DCAF8: variants seen among roughly 807,000 people sequenced by gnomAD.
The protein encoded by DCAF8 is DDB1 and CUL4 associated factor 8.
A neutral mutation model predicts 68.0 loss-of-function variants in DCAF8; 20 were observed. That is an observed-to-expected ratio of 0.29 (90% CI 0.21 to 0.43). The LOEUF is 0.43. Ranked by LOEUF, DCAF8 falls within the 20% of genes least tolerant of loss-of-function variation. The pLI is 1.00. For missense variants in DCAF8, 460 were observed against 771.0 expected (o/e 0.60, Z 4.78); for synonymous variants, 230 against 276.9 (o/e 0.83, Z 1.68).
intron 2 of DCAF8, among the ~76,000 whole-genome samples, chr1:160,254,670 T>C (rs557390334): frequency 6.6e-6 from 1 of 152,208 alleles, no homozygotes; most frequent in South Asian, 2.1e-4. Context: ...CATGCGCCTG[T>C]AGTCTTAGCT....
rs142311348 is a variant in DCAF8, at chr1:160,232,227, A to G, written c.960-820T>C. 1.8e-3 allele frequency among the ~76,000 whole-genome samples: 275 copies of G among 152,084 alleles called. 4 individuals are homozygous for G. The East Asian group carries it at 0.027, about 15-fold the overall frequency. On this transcript the variant is annotated intron_variant, in intron 6 of 13. Coordinates refer to ENST00000368074, the MANE Select transcript of DCAF8 (RefSeq NM_015726.4). ...TGTCTCAAAAAAAAAAAAGTCACTT[A>G]AAACCCAACTTAAGCCAGGCACTGG... is the stretch of plus-strand genomic sequence containing the variant.
At chr1:160,229,965 G>C (rs147915192) in intron 7 of DCAF8, among the ~76,000 whole-genome samples, 3,790 of 152,238 alleles carry the variant, frequency 0.025, 48 homozygotes, top group Middle Eastern at 0.037. Flanking sequence ...GGAGGTTGCA[G>C]TGAGCCAAGA....
chr1:160,229,075 G>A (rs1159001724), intron 7 of DCAF8, among the ~76,000 whole-genome samples: 1 of 152,074 alleles, frequency 6.6e-6, no homozygotes, highest in Non-Finnish European at 1.5e-5. Context: ...CGAGGTGGGT[G>A]GATCACTTGA....
At chr1:160,232,016 C>T (rs541240992) in intron 6 of DCAF8, among the ~76,000 whole-genome samples, 144 of 152,016 alleles carry the variant, frequency 9.5e-4, no homozygotes, top group Admixed American at 1.9e-3. Flanking sequence ...CATGGCGAGA[C>T]CCCATCTCTA....
At chr1:160,224,814 G>A (rs1291599919) in intron 9 of DCAF8, among the ~76,000 whole-genome samples, 1 of 152,260 alleles carries the variant, frequency 6.6e-6, no homozygotes, top group Non-Finnish European at 1.5e-5. Context: ...GCTCAGGCAA[G>A]CAACCTGGGC....
At chr1:160,257,831 A>G (rs1238046029) in intron 2 of DCAF8, among the ~76,000 whole-genome samples, 3 of 152,200 alleles carry the variant, frequency 2.0e-5, no homozygotes, top group African/African-American at 7.2e-5. Context: ...CCTGGACTCA[A>G]ACAATCCTCC....
chr1:160,234,409 C>CAA (rs1331556033), intron 6 of DCAF8, among the ~76,000 whole-genome samples: 68 of 152,256 alleles, frequency 4.5e-4, no homozygotes, highest in Admixed American at 4.4e-3. Flanking sequence ...CTCCTTTACC[C>CAA]CTCTTTAGAG....
Position 160,224,512 on chromosome 1 carries a change from G to A in DCAF8, c.1239C>T (p.Leu413=). 3 of 1,614,172 alleles carry A rather than the reference G, an allele frequency of 1.9e-6. No individual in the cohort carries two copies. The highest frequency in any genetic ancestry group is 2.5e-6 in the Non-Finnish European group (3 of 1,180,004). Residue 413 remains leucine, a synonymous_variant, in exon 10 of 14, where the codon CTC becomes CTT. Transcript: ENST00000368074. ...LASYNDEDIY[L]FNSSHSDGAQ... ...CCCCATCACTGTGAGAGGAGTTGAA[G>A]AGGTAAATGTCTTCATCATTGTAAC...
At chr1:160,244,861 G>A (rs1335001165) in intron 2 of DCAF8, among the ~76,000 whole-genome samples, 4 of 151,958 alleles carry the variant, frequency 2.6e-5, no homozygotes, top group African/African-American at 7.3e-5. Context: ...CGCCCGCCTC[G>A]GCCTCCCAAA....
At chr1:160,218,473 G>T (rs199822097) in intron 12 of DCAF8, 33 bp from the exon 13 acceptor site, 2 of 1,519,930 alleles carry the variant, frequency 1.3e-6, no homozygotes, top group African/African-American at 1.4e-5. Flanking sequence ...AGAGGGGGCA[G>T]CAATGAAGAG....
rs76716742 is a variant in DCAF8, at chr1:160,234,656, T to C, written c.959+2479A>G. Reference sequence around the variant, plus strand: ...AACACAGCATATTAAATAAACTTACTATCATTTTTTCCTTTTTTGCTCTTC... The same window carrying C: ...AACACAGCATATTAAATAAACTTACCATCATTTTTTCCTTTTTTGCTCTTC... On this transcript the variant is annotated intron_variant, in intron 6 of 13. Coordinates refer to ENST00000368074, the MANE Select transcript of DCAF8 (RefSeq NM_015726.4). 1.8e-3 allele frequency among the ~76,000 whole-genome samples: 275 copies of C among 152,350 alleles called. 4 individuals are homozygous for C. In the East Asian group the frequency reaches 0.027, roughly 15 times the overall value.
At chr1:160,256,674 A>T (rs554277313) in intron 2 of DCAF8, among the ~76,000 whole-genome samples, 26 of 152,230 alleles carry the variant, frequency 1.7e-4, no homozygotes, top group Non-Finnish European at 5.9e-5. Flanking sequence ...AACAGCAAAT[A>T]TCTAATCTAA....
intron 2 of DCAF8, among the ~76,000 whole-genome samples, chr1:160,246,404 AG>A (rs1057108027): frequency 6.6e-6 from 1 of 152,062 alleles, no homozygotes; most frequent in African/African-American, 2.4e-5. Context: ...AGATGATAAA[AG>A]TAAGTAGAAT....
chr1:160,219,446 T>C (rs1381385902), intron 11 of DCAF8: 1 of 153,626 alleles, frequency 6.5e-6, no homozygotes, highest in Admixed American at 6.5e-5. Flanking sequence ...CTATATTCAT[T>C]TGGCAGTGTT....
intron 3 of DCAF8, among the ~76,000 whole-genome samples, chr1:160,242,385 G>T (rs1293972666): frequency 1.3e-5 from 2 of 152,166 alleles, no homozygotes; most frequent in East Asian, 3.8e-4. Flanking sequence ...CGAAAGTTTA[G>T]CAGTTACAGT....
rs959537328 is a variant in DCAF8 at position 160,218,194 on chromosome 1, G to C, written c.1677+130C>G. ...CCAAGGCTATATCAGGGATCTGATG[G>C]GGACAGAGGACAGTGGATAGGAAAT... On this transcript the variant is annotated intron_variant, in intron 13 of 13. Coordinates refer to ENST00000368074, the MANE Select transcript of DCAF8 (RefSeq NM_015726.4). The C allele has an allele frequency of 1.2e-5, 9 of 733,414 alleles. No individual in the cohort carries two copies. In the Admixed American group the frequency reaches 1.6e-4, roughly 13 times the overall value. The allele number at this position is 733,414 out of a possible 1,614,324, so 45.4% of individuals were successfully genotyped here.
chr1:160,239,545 G>T (rs1193011777), intron 4 of DCAF8, 152 bp downstream of exon 4: 1 of 1,561,818 alleles, frequency 6.4e-7, no homozygotes, highest in Admixed American at 1.8e-5. Context: ...GTCTTTCAGT[G>T]TATTTAGGTC....
chr1:160,246,535 C>G (rs1656346402), intron 2 of DCAF8, among the ~76,000 whole-genome samples: 1 of 152,170 alleles, frequency 6.6e-6, no homozygotes, highest in South Asian at 2.1e-4. Context: ...TGGCATGCAC[C>G]TGTAATCACA....
chr1:160,256,489 A>G (rs1474746793), intron 2 of DCAF8, among the ~76,000 whole-genome samples: 2 of 152,202 alleles, frequency 1.3e-5, no homozygotes, highest in Non-Finnish European at 2.9e-5. Context: ...GGCAATCATT[A>G]AAGTACACCA....
Sources: gnomAD v4.1 joint callset for allele counts (sites outside exome capture counted in the v4.1 genomes callset) on GRCh38, gnomAD v4.1.1 for gene constraint, MANE v1.5 for transcripts, NCBI Gene and HGNC (gene_info 2026-07-23, HGNC 2026-07-21) for gene names.